Variants in RGS5 observed in about 807,000 individuals in gnomAD.
The protein encoded by RGS5 is regulator of G protein signaling 5, also known as regulator of G-protein signalling 5.
Under a neutral mutation model 18.9 loss-of-function variants are expected in RGS5, and 20 were observed. That is an observed-to-expected ratio of 1.06 (90% CI 0.74 to 1.54). The LOEUF is 1.54. Among genes scored for constraint, RGS5 ranks in the 40% most tolerant of loss-of-function variants. The pLI is 0.00. For missense variants in RGS5, 201 were observed against 211.8 expected (o/e 0.95, Z 0.32); for synonymous variants, 57 against 76.2 (o/e 0.75, Z 1.31).
rs140480764 is a variant in RGS5 at position 163,296,312 on chromosome 1, T to C, written c.-281+9921A>G. 3.6e-3 allele frequency among the ~76,000 whole-genome samples: 541 copies of C among 152,324 alleles called. 3 individuals carry two copies. The highest frequency in any genetic ancestry group is 0.013 in the African/African-American group (523 of 41,588). On this transcript the variant is annotated intron_variant, in intron 2 of 5. Transcript: ENST00000618415. ...GTTTATTGTCTTTGAGGTTTTGCGA[T>C]CTACCTGTAAACTTTAACTGACCCC...
chr1:163,162,084 G>A (rs1363915849), intron 2 of RGS5, 108 bp from the exon 3 acceptor site: 7 of 792,106 alleles, frequency 8.8e-6, no homozygotes, highest in Non-Finnish European at 1.6e-5. Flanking sequence ...TGATATGACT[G>A]CTGGTCTATC....
intron 1 of RGS5, among the ~76,000 whole-genome samples, chr1:163,191,621 T>G (rs1439563024): frequency 6.6e-6 from 1 of 152,194 alleles, no homozygotes; most frequent in African/African-American, 2.4e-5. Context: ...GGCACAAAGT[T>G]GCTAAAACTC....
At chr1:163,302,756 T>G (rs1272191261) in intron 2 of RGS5, among the ~76,000 whole-genome samples, 1 of 152,206 alleles carries the variant, frequency 6.6e-6, no homozygotes, top group Non-Finnish European at 1.5e-5. Flanking sequence ...CTCAAGCCAT[T>G]CACTCTACCG....
intron 2 of RGS5, among the ~76,000 whole-genome samples, chr1:163,284,734 T>C (rs1649099604): frequency 6.6e-6 from 1 of 152,042 alleles, no homozygotes; most frequent in Non-Finnish European, 1.5e-5. Context: ...CTTCCCTCTT[T>C]CCTTTCCTCT....
chr1:163,158,479 G>A (rs563922159), intron 3 of RGS5, among the ~76,000 whole-genome samples: 5 of 152,294 alleles, frequency 3.3e-5, no homozygotes, highest in Non-Finnish European at 5.9e-5. Flanking sequence ...CAGCTGGTCT[G>A]AGAAATAAAG....
At chr1:163,303,493 C>G (rs536201646) in intron 2 of RGS5, among the ~76,000 whole-genome samples, 1 of 152,172 alleles carries the variant, frequency 6.6e-6, no homozygotes, top group Non-Finnish European at 1.5e-5. Flanking sequence ...TTACACACCT[C>G]TTTAAAATTG....
chr1:163,184,012 C>T (rs1658964386), intron 1 of RGS5, among the ~76,000 whole-genome samples: 1 of 152,116 alleles, frequency 6.6e-6, no homozygotes, highest in South Asian at 2.1e-4. Flanking sequence ...CTTCCTTTTC[C>T]TCCCAATGAG....
intron 1 of RGS5, among the ~76,000 whole-genome samples, chr1:163,190,475 T>G (rs559408672): frequency 6.6e-6 from 1 of 152,286 alleles, no homozygotes; most frequent in East Asian, 1.9e-4. Flanking sequence ...AACAGGATCT[T>G]ACACAAGATC....
chr1:163,186,329 A>G (rs977835372), intron 1 of RGS5, among the ~76,000 whole-genome samples: 5 of 152,096 alleles, frequency 3.3e-5, no homozygotes, highest in Non-Finnish European at 5.9e-5. Flanking sequence ...TCGGCCTCCC[A>G]AAGTGCTGGT....
intron 1 of RGS5, among the ~76,000 whole-genome samples, chr1:163,186,485 A>G (rs1659084939): frequency 6.7e-6 from 1 of 148,864 alleles, no homozygotes; most frequent in Non-Finnish European, 1.5e-5. Flanking sequence ...AGGCTGAGGC[A>G]GGAGAATGGC....
chr1:163,171,575 C>CT (rs1254455373), intron 1 of RGS5, among the ~76,000 whole-genome samples: 4 of 151,898 alleles, frequency 2.6e-5, no homozygotes, highest in Admixed American at 2.0e-4. Context: ...AATTTAGTTC[C>CT]TTTTTTTTCT....
chr1:163,265,795 T>G (rs555293453), intron 2 of RGS5, among the ~76,000 whole-genome samples: 1 of 152,260 alleles, frequency 6.6e-6, no homozygotes, highest in South Asian at 2.1e-4. Flanking sequence ...TTGTTCCTGT[T>G]ATGGTTGATT....
chr1:163,165,922 A>G (rs1658026660), intron 2 of RGS5, among the ~76,000 whole-genome samples: 1 of 152,082 alleles, frequency 6.6e-6, no homozygotes, highest in African/African-American at 2.4e-5. Flanking sequence ...AAAACAAAAA[A>G]AAAACAGTAG....
At chr1:163,291,815 T>C (rs1649295077) in intron 2 of RGS5, among the ~76,000 whole-genome samples, 1 of 152,094 alleles carries the variant, frequency 6.6e-6, no homozygotes, top group Non-Finnish European at 1.5e-5. Context: ...TTGAGGAGAT[T>C]GATTTGAGTA....
intron 2 of RGS5, among the ~76,000 whole-genome samples, chr1:163,303,354 T>G (rs571544912): frequency 7.3e-4 from 111 of 152,308 alleles, no homozygotes; most frequent in African/African-American, 2.5e-3. Context: ...TAACTTCAAA[T>G]AGTAGTAAAT....
intron 3 of RGS5, among the ~76,000 whole-genome samples, chr1:163,160,554 G>T (rs1657760055): frequency 6.6e-6 from 1 of 152,136 alleles, no homozygotes; most frequent in Admixed American, 6.6e-5. Flanking sequence ...AAATGAATAA[G>T]CTAGAGAAAG....
chr1:163,269,816 A>G (rs1648671239), intron 2 of RGS5, among the ~76,000 whole-genome samples: 1 of 152,166 alleles, frequency 6.6e-6, no homozygotes. Flanking sequence ...CATGCATATA[A>G]AATTGAATTG....
chr1:163,144,789 C>G lies in RGS5; in HGVS notation c.*2553G>C, dbSNP rs1481367734. ...CTAGTAACACTGGATTTTTTTCCCT[C>G]TTTTCTAAGTTTCCAAAAACTTTCA... On this transcript the variant is annotated 3_prime_UTR_variant, in exon 5 of 5. Coordinates refer to ENST00000313961, the MANE Select transcript of RGS5 (RefSeq NM_003617.4). 1 of 152,534 alleles carries G rather than the reference C, an allele frequency of 6.6e-6. No homozygotes were observed. Among genetic ancestry groups the G allele is most frequent in the Non-Finnish European group, 1.5e-5 (1 of 67,996 alleles). The allele number at this position is 152,534 out of a possible 1,614,324, so 9.4% of individuals were successfully genotyped here. A position where few individuals can be genotyped will look rare whatever the true frequency, so the allele number is the denominator to read the frequency against.
intron 2 of RGS5, among the ~76,000 whole-genome samples, chr1:163,268,648 C>A (rs1648634364): frequency 6.6e-6 from 1 of 152,084 alleles, no homozygotes; most frequent in African/African-American, 2.4e-5. Context: ...GGACCACCTA[C>A]CTGACAGCTA....
Sources: gnomAD v4.1 joint callset for allele counts (sites outside exome capture counted in the v4.1 genomes callset) on GRCh38, gnomAD v4.1.1 for gene constraint, MANE v1.5 for transcripts, NCBI Gene and HGNC (gene_info 2026-07-23, HGNC 2026-07-21) for gene names.